MCPH1: variants seen among roughly 807,000 people sequenced by gnomAD.
The protein encoded by MCPH1 is microcephalin 1.
A neutral mutation model predicts 84.5 loss-of-function variants in MCPH1; 104 were observed. The ratio of observed to expected loss-of-function variants is 1.23; its 90% CI spans 1.05 to 1.45. The LOEUF (loss-of-function observed/expected upper bound fraction) is 1.45, where lower values mean the gene tolerates loss of function less well. Ranked by LOEUF, MCPH1 falls within the 40% of genes most tolerant of loss-of-function variation. The pLI is 0.00. For missense variants in MCPH1, 1,498 were observed against 1,005.7 expected, an observed-to-expected ratio of 1.49 and a Z score of -6.62; for synonymous variants, 514 against 366.8, an observed-to-expected ratio of 1.40 and a Z score of -4.58.
At position 6,516,208 on chromosome 8, in the gene MCPH1, GT is replaced by G. The variant is rs1274767698; in HGVS notation, c.2214+16281del. Reference sequence around the variant, plus strand: ...ATCAGTCTGCACAAGCTAACCCCTTGTTACCGCTCTGTATTGCTATGATTTT... The same window carrying G: ...ATCAGTCTGCACAAGCTAACCCCTTGTACCGCTCTGTATTGCTATGATTTT... On this transcript the variant is annotated intron_variant, in intron 12 of 13. Transcript: ENST00000344683. Among the ~76,000 whole-genome samples, 5 of 152,244 alleles carry G rather than the reference GT, an allele frequency of 3.3e-5. No homozygotes were observed. In the East Asian group the frequency reaches 9.6e-4, roughly 29 times the overall value.
rs76672968 is a variant in MCPH1, at chr8:6,603,313, G to T, written c.2215-18141G>T. Among the ~76,000 whole-genome samples the T allele has an allele frequency of 2.0e-4, 31 of 152,180 alleles. No homozygotes were observed. The East Asian group carries it at 5.4e-3, about 27-fold the overall frequency. On this transcript the variant is annotated intron_variant, in intron 12 of 13. Transcript: ENST00000344683. ...ACTGGTGATTGTGCAGGGGTGGAAT[G>T]GCAATGGAATGCATAGGGGCATGAG...
intron 9 of MCPH1, among the ~76,000 whole-genome samples, chr8:6,465,066 G>A (rs1806705192): frequency 6.6e-6 from 1 of 152,076 alleles, no homozygotes; most frequent in Non-Finnish European, 1.5e-5. Context: ...AGATGTGGAG[G>A]CCCAATTTAA....
intron 3 of MCPH1, among the ~76,000 whole-genome samples, chr8:6,425,893 T>C (rs549732280): frequency 5.6e-4 from 86 of 152,292 alleles, no homozygotes; most frequent in African/African-American, 1.9e-3. Flanking sequence ...AACACGATTA[T>C]CTAGGGTCTC....
intron 13 of MCPH1, among the ~76,000 whole-genome samples, chr8:6,642,240 G>A (rs367570775): frequency 3.3e-5 from 5 of 151,862 alleles, no homozygotes; most frequent in African/African-American, 9.7e-5. Flanking sequence ...TCATCCAATC[G>A]GTGCTGACAG....
chr8:6,499,018 C>T (rs982183267), intron 11 of MCPH1, among the ~76,000 whole-genome samples: 5 of 151,486 alleles, frequency 3.3e-5, no homozygotes, highest in African/African-American at 1.2e-4. Context: ...CACCACTGCA[C>T]TCCAGCCTGG....
chr8:6,617,900 A>AATCTATTTATCT (rs1554480979), intron 12 of MCPH1, among the ~76,000 whole-genome samples: 1 of 143,014 alleles, frequency 7.0e-6, no homozygotes, highest in Non-Finnish European at 1.5e-5. Context: ...CTATCTATCT[A>AATCTATTTATCT]ATCTATCTAT....
At chr8:6,409,471 G>C (rs1343237599) in intron 2 of MCPH1, 101 bp downstream of exon 2, 3 of 974,600 alleles carry the variant, frequency 3.1e-6, no homozygotes, top group African/African-American at 1.6e-5. Flanking sequence ...TTAGAATCTG[G>C]ACGAAGCAAT....
intron 11 of MCPH1, among the ~76,000 whole-genome samples, chr8:6,486,397 T>C (rs1422926551): frequency 1.3e-5 from 2 of 152,140 alleles, no homozygotes; most frequent in African/African-American, 4.8e-5. Context: ...CAGTATAAAC[T>C]GGCCTCCAAG....
intron 1 of MCPH1, chr8:6,406,963 C>G (rs1208033444): frequency 1.9e-6 from 1 of 532,880 alleles, no homozygotes; most frequent in Non-Finnish European, 3.4e-6. Flanking sequence ...CCCCGACTGC[C>G]TGCTTCCTCC....
chr8:6,637,768 G>GT (rs991681066), intron 13 of MCPH1, among the ~76,000 whole-genome samples: 2 of 152,092 alleles, frequency 1.3e-5, no homozygotes, highest in Non-Finnish European at 1.5e-5. Flanking sequence ...GCTGACACAT[G>GT]TTTTTTTAAT....
At chr8:6,411,669 T>C (rs775831077) in intron 2 of MCPH1, among the ~76,000 whole-genome samples, 22 of 152,244 alleles carry the variant, frequency 1.4e-4, no homozygotes, top group Non-Finnish European at 2.6e-4. Context: ...ATTTTTATTA[T>C]AATACATTGC....
At chr8:6,552,816 T>C (rs201784354) in intron 12 of MCPH1, among the ~76,000 whole-genome samples, 1 of 104,878 alleles carries the variant, frequency 9.5e-6, no homozygotes, top group Admixed American at 8.3e-5. Flanking sequence ...TTATTCCTGC[T>C]TTTTTTTTTT....
At chr8:6,502,860 T>C (rs555070227) in intron 12 of MCPH1, 1 of 489,764 alleles carries the variant, frequency 2.0e-6, no homozygotes, top group East Asian at 3.4e-5. Flanking sequence ...GGTTCATCTT[T>C]GCATAGGTGT....
intron 13 of MCPH1, among the ~76,000 whole-genome samples, chr8:6,634,546 A>C (rs755894390): frequency 6.6e-6 from 1 of 152,206 alleles, no homozygotes; most frequent in Non-Finnish European, 1.5e-5. Flanking sequence ...ACCTGCTCTC[A>C]TGGGCAAAAG....
chr8:6,461,072 G>T (rs1178368359), intron 9 of MCPH1, among the ~76,000 whole-genome samples: 1 of 152,084 alleles, frequency 6.6e-6, no homozygotes, highest in Non-Finnish European at 1.5e-5. Context: ...TGATTTTTGA[G>T]ATGAACACGT....
intron 12 of MCPH1, among the ~76,000 whole-genome samples, chr8:6,526,989 C>T (rs1385014906): frequency 6.6e-6 from 1 of 152,090 alleles, no homozygotes; most frequent in Non-Finnish European, 1.5e-5. Context: ...GAAGAGGAAA[C>T]ATTGGATCAT....
intron 13 of MCPH1, among the ~76,000 whole-genome samples, chr8:6,623,706 A>AG: frequency 3.6e-4 from 2 of 5,626 alleles, no homozygotes; most frequent in Non-Finnish European, 8.6e-4. Context: ...AAAAAAAAAA[A>AG]AAAAAAAAAA....
At chr8:6,452,345 A>C (rs1161681632) in intron 8 of MCPH1, among the ~76,000 whole-genome samples, 7 of 152,234 alleles carry the variant, frequency 4.6e-5, no homozygotes, top group African/African-American at 1.7e-4. Flanking sequence ...GGTATTATTA[A>C]TCCAAACTAA....
chr8:6,581,430 A>G (rs1309632995), intron 12 of MCPH1, among the ~76,000 whole-genome samples: 1 of 152,250 alleles, frequency 6.6e-6, no homozygotes, highest in East Asian at 1.9e-4. Context: ...AAGCTGTTGA[A>G]TCATGTGGTG....
Sources: allele counts gnomAD v4.1 joint callset (sites outside exome capture counted in the v4.1 genomes callset), GRCh38; gene constraint gnomAD v4.1.1; transcripts MANE v1.5; gene names NCBI Gene and HGNC (gene_info 2026-07-23, HGNC 2026-07-21).